Variants in NCOA7 observed in about 807,000 individuals in gnomAD.
The protein encoded by NCOA7 is nuclear receptor coactivator 7, also known as 140 kDa estrogen receptor-associated protein.
NCOA7 carries 45 observed loss-of-function variants against 104.3 expected under a neutral mutation model. That is an observed-to-expected ratio of 0.43 (90% confidence interval 0.34 to 0.55). The LOEUF (loss-of-function observed/expected upper bound fraction) is 0.55. Among genes scored for constraint, NCOA7 ranks in the 20% least tolerant of loss-of-function variants. The pLI is 0.02. For synonymous variants in NCOA7, 398 were observed against 402.3 expected (o/e 0.99, Z 0.13); for missense variants, 1,041 against 1,119.7 (o/e 0.93, Z 1.00).
At chr6:125,784,422 C>T (rs557514232) in intron 1 of NCOA7, among the ~76,000 whole-genome samples, 1 of 152,262 alleles carries the variant, frequency 6.6e-6, no homozygotes, top group East Asian at 1.9e-4. Context: ...TCTTTTATCA[C>T]ATATACATGC....
intron 10 of NCOA7, among the ~76,000 whole-genome samples, chr6:125,892,228 G>T (rs562790820): frequency 6.6e-6 from 1 of 151,916 alleles, no homozygotes; most frequent in East Asian, 1.9e-4. Flanking sequence ...AGACAATTGT[G>T]TTTTTTTCAA....
intron 10 of NCOA7, among the ~76,000 whole-genome samples, chr6:125,891,775 C>G (rs1339790025): frequency 3.3e-5 from 5 of 152,102 alleles, no homozygotes; most frequent in Non-Finnish European, 7.4e-5. Context: ...AAATAATAGG[C>G]TTTTTATTAA....
chr6:125,838,137 A>G (rs1176329812), intron 2 of NCOA7, among the ~76,000 whole-genome samples: 1 of 152,134 alleles, frequency 6.6e-6, no homozygotes, highest in Non-Finnish European at 1.5e-5. Context: ...TTTTTTTAAC[A>G]TTCATGAGGA....
chr6:125,916,923 T>C (rs567869337), intron 11 of NCOA7, among the ~76,000 whole-genome samples: 8 of 152,374 alleles, frequency 5.3e-5, no homozygotes, highest in Admixed American at 4.6e-4. Flanking sequence ...ATATTTTTAA[T>C]AGTCAATTTT....
In NCOA7 at chr6:125,815,526, A is replaced by G. The variant is rs2128572253; in HGVS notation, c.50+122A>G. On this transcript the variant is annotated intron_variant, in intron 2 of 15. Coordinates refer to ENST00000392477, the MANE Select transcript of NCOA7 (RefSeq NM_181782.5). ...TTGTTCATAAATAGAGCAGGTAACC[A>G]GGAGAAGTAAACTATACTTTGCTTC... The G allele has an allele frequency of 1.2e-5, 9 of 723,164 alleles. No individual in the cohort carries two copies. The East Asian group carries it at 2.2e-4, about 17-fold the overall frequency. The allele number at this position is 723,164 out of a possible 1,614,324, so 44.8% of individuals were successfully genotyped here.
At chr6:125,916,059 A>G (rs1350928785) in intron 11 of NCOA7, among the ~76,000 whole-genome samples, 1 of 152,218 alleles carries the variant, frequency 6.6e-6, no homozygotes. Context: ...AAATCATATC[A>G]TAATTATAAT....
chr6:125,897,165 T>C (rs532507340), intron 10 of NCOA7, among the ~76,000 whole-genome samples: 2 of 152,372 alleles, frequency 1.3e-5, no homozygotes, highest in Non-Finnish European at 2.9e-5. Flanking sequence ...TGCGTGTATA[T>C]ACCTGATAGT....
intron 11 of NCOA7, chr6:125,919,254 C>G: frequency 6.2e-7 from 1 of 1,606,886 alleles, no homozygotes; most frequent in Non-Finnish European, 8.5e-7. Flanking sequence ...ACTGAGAAAA[C>G]AGTTGTAGCT....
upstream of NCOA7, among the ~76,000 whole-genome samples, chr6:125,788,553 T>C (rs1343303702): frequency 1.3e-5 from 2 of 152,018 alleles, no homozygotes; most frequent in Admixed American, 6.5e-5. Flanking sequence ...TTTTTTTTTT[T>C]TGAGATGGAG....
intron 3 of NCOA7, among the ~76,000 whole-genome samples, chr6:125,871,041 G>A: frequency 6.6e-6 from 1 of 152,204 alleles, no homozygotes; most frequent in East Asian, 1.9e-4. Flanking sequence ...TATTTCAGAG[G>A]TGGGCAAGTA....
chr6:125,840,867 GGTTTTTTTTTTTTTTT>G (rs1780073737), intron 2 of NCOA7, among the ~76,000 whole-genome samples: 6 of 50,678 alleles, frequency 1.2e-4, no homozygotes, highest in African/African-American at 4.4e-4. Context: ...TTGTTTGGTT[GGTTTTTTTTTTTTTTT>G]TTTTTTTTTT....
intron 3 of NCOA7, among the ~76,000 whole-genome samples, chr6:125,859,153 T>C (rs1243190503): frequency 6.6e-6 from 1 of 151,934 alleles, no homozygotes; most frequent in Non-Finnish European, 1.5e-5. Context: ...CAGGCTGTGC[T>C]GGTCTGAGAC....
chr6:125,864,524 T>G (rs1782288357), intron 3 of NCOA7, among the ~76,000 whole-genome samples: 1 of 134,698 alleles, frequency 7.4e-6, no homozygotes, highest in Admixed American at 7.0e-5. Context: ...ACCCCCAAAT[T>G]TACATGTTGA....
chr6:125,928,041 C>G lies in NCOA7; in HGVS notation c.2620-133C>G. ...GATCTCATCCTGGTGTGGGCCAGGT[C>G]TGGCAGTCAGGAACTTCCTCCGTCA... On this transcript the variant is annotated intron_variant, in intron 14 of 15. Transcript: ENST00000392477. 5 of 858,868 alleles carry G rather than the reference C, an allele frequency of 5.8e-6. No individual in the cohort carries two copies. In the South Asian group the frequency reaches 7.5e-5, roughly 13 times the overall value. 53.2% of individuals were successfully genotyped at this position (858,868 alleles called of 1,614,324 possible).
rs1783235249 is a variant in NCOA7, at chr6:125,874,981, A to G, written c.351+13A>G. The G allele has an allele frequency of 6.3e-7, 1 of 1,592,578 alleles. No individual in the cohort carries two copies. Among genetic ancestry groups the G allele is most frequent in the South Asian group, 1.1e-5 (1 of 90,546 alleles). Reference sequence around the variant, plus strand: ...TATGGAATACACTGTGAGTATAACCAAGGTGGTATAAATGTTTGTTAATAG... The same window carrying G: ...TATGGAATACACTGTGAGTATAACCGAGGTGGTATAAATGTTTGTTAATAG... On this transcript the variant is annotated intron_variant, in intron 4 of 15. Coordinates refer to ENST00000392477, the MANE Select transcript of NCOA7 (RefSeq NM_181782.5).
chr6:125,864,619 G>C (rs2128629900), intron 3 of NCOA7, among the ~76,000 whole-genome samples: 1 of 135,866 alleles, frequency 7.4e-6, no homozygotes, highest in East Asian at 2.2e-4. Flanking sequence ...TCATGATTGG[G>C]ATTAGTGTTC....
chr6:125,904,397 G>T (rs1004434524), intron 10 of NCOA7, among the ~76,000 whole-genome samples: 1 of 152,106 alleles, frequency 6.6e-6, no homozygotes, highest in Non-Finnish European at 1.5e-5. Flanking sequence ...CCTTTTTACA[G>T]AATTCTTTGT....
Position 125,855,022 on chromosome 6 carries a change from T to C in NCOA7, c.53T>C (p.Leu18Pro). Residue 18 changes from leucine to proline, a missense_variant and splice_region_variant, in exon 3 of 16, where the codon CTG becomes CCG. Physicochemically the swap from Leu to Pro is moderately conservative, Grantham distance 98 (BLOSUM62 -3). Coordinates refer to ENST00000392477, the MANE Select transcript of NCOA7 (RefSeq NM_181782.5). ...TCTTTTTTTTCCCTCTTTCCTAGACTGAAAAAGAAAAAACAAGCCAAACAA... is the reference window on the plus strand; with the variant it reads ...TCTTTTTTTTCCCTCTTTCCTAGACCGAAAAAGAAAAAACAAGCCAAACAA... ...KERKQSYFAR[L>P]KKKKQAKQNA... The C allele has an allele frequency of 6.3e-7, 1 of 1,598,318 alleles. No individual in the cohort carries two copies. Among genetic ancestry groups the C allele is most frequent in the Non-Finnish European group, 8.5e-7 (1 of 1,175,894 alleles).
intron 10 of NCOA7, among the ~76,000 whole-genome samples, chr6:125,902,122 C>T (rs148124536): frequency 1.6e-3 from 249 of 152,058 alleles, no homozygotes; most frequent in Non-Finnish European, 2.8e-3. Context: ...GGGGGAAAAA[C>T]GGGGATGTGA....
Sources: allele counts gnomAD v4.1 joint callset (sites outside exome capture counted in the v4.1 genomes callset), GRCh38; gene constraint gnomAD v4.1.1; transcripts MANE v1.5; gene names NCBI Gene and HGNC (gene_info 2026-07-23, HGNC 2026-07-21).